Variants in GRM7 observed in about 807,000 individuals in gnomAD.
GRM7 encodes the protein glutamate metabotropic receptor 7.
A neutral mutation model predicts 84.5 loss-of-function variants in GRM7; 35 were observed. The observed-to-expected ratio is 0.41, with a 90% CI of 0.32 to 0.55. GRM7 has a LOEUF of 0.55. Ranked by LOEUF, GRM7 falls within the 20% of genes least tolerant of loss-of-function variation. The pLI, the probability that GRM7 is intolerant of heterozygous loss-of-function variation, is 0.19. For synonymous variants in GRM7, 487 were observed against 455.1 expected (o/e 1.07, Z -0.89); for missense variants, 1,003 against 1,194.6 (o/e 0.84, Z 2.36).
chr3:7,381,682 A>G (rs1242398359), intron 4 of GRM7, among the ~76,000 whole-genome samples: 3 of 152,176 alleles, frequency 2.0e-5, no homozygotes, highest in African/African-American at 4.8e-5. Context: ...TGACTACACT[A>G]TTGGTTTGTT....
rs77705759 is a variant in GRM7, at chr3:6,976,486, T to C, written c.519+114579T>C. Among the ~76,000 whole-genome samples the C allele has an allele frequency of 2.2e-4, 34 of 152,344 alleles. 1 individual carries two copies. In the East Asian group the frequency reaches 5.6e-3, roughly 25 times the overall value. ...GACAGAGTCAGTTTGCACTTTATTGTTCCAGTGTTACCTGGTTTCTGCAAT... is the reference window on the plus strand; with the variant it reads ...GACAGAGTCAGTTTGCACTTTATTGCTCCAGTGTTACCTGGTTTCTGCAAT... On this transcript the variant is annotated intron_variant, in intron 1 of 9. Transcript: ENST00000357716.
chr3:6,960,624 C>T (rs1693257123), intron 1 of GRM7, among the ~76,000 whole-genome samples: 1 of 152,114 alleles, frequency 6.6e-6, no homozygotes, highest in African/African-American at 2.4e-5. Context: ...CCTCACTCTC[C>T]AAAACATTTT....
chr3:7,130,878 A>T (rs544087071), intron 1 of GRM7, among the ~76,000 whole-genome samples: 364 of 152,232 alleles, frequency 2.4e-3, no homozygotes, highest in African/African-American at 8.0e-3. Flanking sequence ...AAGGGAACCT[A>T]CCAGGCTACT....
At position 6,928,367 on chromosome 3, in the gene GRM7, G is replaced by A. The variant is rs1323433858; in HGVS notation, c.519+66460G>A. ...TTGGCACTGGTCCTGCAGGAAGGTG[G>A]CAATGTTACTCACACAGTGAATTTG... On this transcript the variant is annotated intron_variant, in intron 1 of 9. Coordinates refer to ENST00000357716, the MANE Select transcript of GRM7 (RefSeq NM_000844.4). The surrounding 1 kb of genome is among the most constrained non-coding windows in gnomAD (Gnocchi z 4.5). Among the ~76,000 whole-genome samples the A allele has an allele frequency of 1.3e-5, 2 of 152,068 alleles. No individual in the cohort carries two copies. The highest frequency in any genetic ancestry group is 2.4e-5 in the African/African-American group (1 of 41,408).
rs186258403 is a variant in GRM7, at chr3:6,904,429, T to C, written c.519+42522T>C. Among the ~76,000 whole-genome samples, 3 of 152,282 alleles carry C rather than the reference T, an allele frequency of 2.0e-5. No homozygotes were observed. In the East Asian group the frequency reaches 5.8e-4, roughly 29 times the overall value. ...TGCTTCAGTTTTCTCACCTGTAAAG[T>C]AGGATACTAGTTTGTGTCTCATAGG... On this transcript the variant is annotated intron_variant, in intron 1 of 9. Coordinates refer to ENST00000357716, the MANE Select transcript of GRM7 (RefSeq NM_000844.4).
intron 5 of GRM7, among the ~76,000 whole-genome samples, chr3:7,446,958 A>G (rs1697541879): frequency 6.6e-6 from 1 of 151,970 alleles, no homozygotes; most frequent in Non-Finnish European, 1.5e-5. Context: ...CTGAGAGTGA[A>G]AGAATTTATG....
intron 7 of GRM7, among the ~76,000 whole-genome samples, chr3:7,538,724 T>C (rs577550621): frequency 6.6e-6 from 1 of 152,310 alleles, no homozygotes; most frequent in East Asian, 1.9e-4. Flanking sequence ...ATAAAAAGCA[T>C]GTACAACTAA....
chr3:7,493,373 A>G (rs986736753), intron 7 of GRM7, among the ~76,000 whole-genome samples: 1 of 151,858 alleles, frequency 6.6e-6, no homozygotes, highest in Non-Finnish European at 1.5e-5. Context: ...ATTTAAGATC[A>G]TAATGTTTCT....
chr3:7,729,747 C>A (rs1702245667), intron 9 of GRM7, among the ~76,000 whole-genome samples: 1 of 152,032 alleles, frequency 6.6e-6, no homozygotes, highest in South Asian at 2.1e-4. Flanking sequence ...CACTCTGTTG[C>A]CAGGCTGGAG....
chr3:7,181,467 T>G (rs1055351168), intron 2 of GRM7, among the ~76,000 whole-genome samples: 4 of 152,198 alleles, frequency 2.6e-5, no homozygotes, highest in South Asian at 2.1e-4. Flanking sequence ...ATTCTCATTT[T>G]TTTTTAAGGC....
At chr3:7,432,845 A>G (rs1022214133) in intron 5 of GRM7, among the ~76,000 whole-genome samples, 2 of 152,194 alleles carry the variant, frequency 1.3e-5, no homozygotes, top group Non-Finnish European at 2.9e-5. Context: ...GCACAGGACA[A>G]TAAAGGACAG....
chr3:6,961,705 C>G (rs564872420), intron 1 of GRM7, among the ~76,000 whole-genome samples: 1 of 152,212 alleles, frequency 6.6e-6, no homozygotes, highest in South Asian at 2.1e-4. Context: ...TCTACTGGCC[C>G]AGCTGCATTT....
chr3:7,689,094 A>G (rs2125149157), intron 9 of GRM7, among the ~76,000 whole-genome samples: 1 of 152,342 alleles, frequency 6.6e-6, no homozygotes, highest in African/African-American at 2.4e-5. Context: ...CATCATCACC[A>G]TGACTGGGTC....
intron 2 of GRM7, among the ~76,000 whole-genome samples, chr3:7,174,418 G>A (rs2125090981): frequency 6.6e-6 from 1 of 152,254 alleles, no homozygotes; most frequent in Admixed American, 6.5e-5. Flanking sequence ...AATTTTTTTA[G>A]AATCATCATG....
chr3:6,984,415 C>A (rs73023815), intron 1 of GRM7, among the ~76,000 whole-genome samples: 5,325 of 152,158 alleles, frequency 0.035, 137 homozygotes, highest in African/African-American at 0.069. Context: ...AATGGCAGTC[C>A]TTAGTAATAA....
At chr3:7,649,935 AT>A (rs1698848312) in intron 8 of GRM7, among the ~76,000 whole-genome samples, 1 of 152,130 alleles carries the variant, frequency 6.6e-6, no homozygotes, top group Non-Finnish European at 1.5e-5. Flanking sequence ...GTGATAATAG[AT>A]TGTTATTTTT....
At chr3:6,885,848 C>T (rs1369450759) in intron 1 of GRM7, among the ~76,000 whole-genome samples, 1 of 152,158 alleles carries the variant, frequency 6.6e-6, no homozygotes, top group Non-Finnish European at 1.5e-5. Context: ...ATAATAGTTA[C>T]AAGAAATATC....
chr3:7,045,154 G>A (rs183984584), intron 1 of GRM7, among the ~76,000 whole-genome samples: 2 of 152,274 alleles, frequency 1.3e-5, no homozygotes, highest in Admixed American at 1.3e-4. Context: ...AAGTTGACGT[G>A]TTAGGGCTGT....
In GRM7 at chr3:7,246,875, A is replaced by G. The variant is rs868384305; in HGVS notation, c.737-51809A>G. Among the ~76,000 whole-genome samples the G allele has an allele frequency of 6.6e-5, 10 of 152,280 alleles. No homozygotes were observed. The South Asian group carries it at 2.1e-3, about 32-fold the overall frequency. ...TAGCCAAAACAATATTGAAAAGGACAAACATTGTTGTAGGATTTACAGTAC... is the reference window on the plus strand; with the variant it reads ...TAGCCAAAACAATATTGAAAAGGACGAACATTGTTGTAGGATTTACAGTAC... On this transcript the variant is annotated intron_variant, in intron 2 of 9. Transcript: ENST00000357716.
Sources: gnomAD v4.1 joint callset for allele counts (sites outside exome capture counted in the v4.1 genomes callset) on GRCh38, gnomAD v4.1.1 for gene constraint, Gnocchi (gnomAD v3.1) non-coding constraint, MANE v1.5 for transcripts, NCBI Gene and HGNC (gene_info 2026-07-23, HGNC 2026-07-21) for gene names.